The following GPC6 variants were observed in gnomAD, a reference collection of about 807,000 sequenced individuals.
GPC6 encodes glypican 6.
Under a neutral mutation model 55.2 loss-of-function variants are expected in GPC6, and 14 were observed. The ratio of observed to expected loss-of-function variants is 0.25; its 90% CI spans 0.17 to 0.40. The LOEUF (loss-of-function observed/expected upper bound fraction) is 0.40, where lower values mean the gene tolerates loss of function less well. Ranked by LOEUF, GPC6 falls within the 10% of genes least tolerant of loss-of-function variation. The pLI is 1.00. For synonymous variants in GPC6, 278 were observed against 259.6 expected (o/e 1.07, Z -0.68); for missense variants, 641 against 708.5 (o/e 0.90, Z 1.08).
intron 2 of GPC6, among the ~76,000 whole-genome samples, chr13:93,777,806 T>A (rs932545435): frequency 1.3e-5 from 2 of 152,220 alleles, no homozygotes; most frequent in Non-Finnish European, 2.9e-5. Context: ...TGTCTACATC[T>A]GTATCTGTGT....
chr13:93,234,282 G>A (rs779213604), intron 1 of GPC6, among the ~76,000 whole-genome samples: 8 of 152,062 alleles, frequency 5.3e-5, no homozygotes, highest in Non-Finnish European at 1.0e-4. Context: ...TTTCCTTCAC[G>A]TGCAACCAAA....
chr13:94,001,350 G>T, intron 3 of GPC6, among the ~76,000 whole-genome samples: 1 of 151,988 alleles, frequency 6.6e-6, no homozygotes, highest in Non-Finnish European at 1.5e-5. Flanking sequence ...GTTAAAACAA[G>T]AAAATTACAT....
At chr13:94,066,175 A>G (rs1884508587) in intron 4 of GPC6, among the ~76,000 whole-genome samples, 1 of 152,206 alleles carries the variant, frequency 6.6e-6, no homozygotes, top group African/African-American at 2.4e-5. Flanking sequence ...AAATCAAGAT[A>G]TATTTTATAC....
At chr13:93,400,444 C>T (rs541100938) in intron 1 of GPC6, among the ~76,000 whole-genome samples, 27 of 147,400 alleles carry the variant, frequency 1.8e-4, no homozygotes, top group African/African-American at 6.3e-4. Flanking sequence ...GATTACCAGA[C>T]GTTAGGAAGG....
chr13:93,351,594 T>C (rs909643877), intron 1 of GPC6, among the ~76,000 whole-genome samples: 2 of 152,156 alleles, frequency 1.3e-5, no homozygotes, highest in African/African-American at 4.8e-5. Context: ...ATATTGAATG[T>C]TCCCAACACA....
At chr13:94,247,444 T>G (rs1012299203) in intron 4 of GPC6, among the ~76,000 whole-genome samples, 4 of 152,130 alleles carry the variant, frequency 2.6e-5, no homozygotes, top group Non-Finnish European at 5.9e-5. Context: ...GAGGAAAGGC[T>G]TTCAGTTTCT....
chr13:94,339,751 CTTTTTTTTTTTTTTTTTTT>C (rs56074677), intron 6 of GPC6, among the ~76,000 whole-genome samples: 2 of 63,794 alleles, frequency 3.1e-5, no homozygotes, highest in African/African-American at 1.4e-4. Context: ...GCATACTTTC[CTTTTTTTTTTTTTTTTTTT>C]TTTTTTTTTT....
chr13:93,522,394 G>GT (rs1431055820), intron 1 of GPC6, among the ~76,000 whole-genome samples: 2 of 151,828 alleles, frequency 1.3e-5, no homozygotes, highest in Non-Finnish European at 2.9e-5. Flanking sequence ...CATTTTTGTG[G>GT]TTTTTTGAAT....
intron 1 of GPC6, among the ~76,000 whole-genome samples, chr13:93,297,953 C>A (rs994698756): frequency 6.6e-6 from 1 of 152,146 alleles, no homozygotes; most frequent in African/African-American, 2.4e-5. Context: ...ACAGCTGTCA[C>A]CACAATTGGC....
At chr13:93,291,160 G>T (rs1878308356) in intron 1 of GPC6, among the ~76,000 whole-genome samples, 1 of 152,126 alleles carries the variant, frequency 6.6e-6, no homozygotes, top group African/African-American at 2.4e-5. Context: ...TAGACCAAGG[G>T]ATTATAAACT....
intron 4 of GPC6, among the ~76,000 whole-genome samples, chr13:94,285,377 A>C (rs1892500742): frequency 6.6e-6 from 1 of 152,194 alleles, no homozygotes; most frequent in East Asian, 1.9e-4. Context: ...CAAGCCTAGT[A>C]CCATGGTCAG....
chr13:93,527,968 C>G (rs115801511), intron 1 of GPC6, among the ~76,000 whole-genome samples: 99 of 152,178 alleles, frequency 6.5e-4, no homozygotes, highest in African/African-American at 2.3e-3. Context: ...GTGATATGAT[C>G]AGTGTTGTAG....
intron 2 of GPC6, among the ~76,000 whole-genome samples, chr13:93,561,001 AC>A (rs1295952887): frequency 6.6e-6 from 1 of 152,310 alleles, no homozygotes; most frequent in African/African-American, 2.4e-5. Context: ...GTTGTGAAAT[AC>A]CTTAACCTCA....
intron 2 of GPC6, among the ~76,000 whole-genome samples, chr13:93,588,598 A>T (rs1877316540): frequency 6.6e-6 from 1 of 152,180 alleles, no homozygotes; most frequent in Non-Finnish European, 1.5e-5. Context: ...GCTTTACAGG[A>T]AGCATGGTGC....
chr13:94,371,742 A>G (rs576455785), intron 6 of GPC6, among the ~76,000 whole-genome samples: 1 of 152,214 alleles, frequency 6.6e-6, no homozygotes, highest in Non-Finnish European at 1.5e-5. Context: ...TGGTGGGGAA[A>G]AAAATAGTAA....
chr13:94,135,026 G>A (rs1182520365), intron 4 of GPC6, among the ~76,000 whole-genome samples: 2 of 152,108 alleles, frequency 1.3e-5, no homozygotes, highest in African/African-American at 2.4e-5. Flanking sequence ...CAGAATAGCC[G>A]TTGCCTCTCA....
At chr13:93,878,132 G>T (rs1388700058) in intron 3 of GPC6, among the ~76,000 whole-genome samples, 1 of 152,018 alleles carries the variant, frequency 6.6e-6, no homozygotes, top group Non-Finnish European at 1.5e-5. Context: ...AGTTTACAGG[G>T]AGAGCGATGG....
intron 2 of GPC6, among the ~76,000 whole-genome samples, chr13:93,711,866 C>T (rs1266441534): frequency 6.6e-6 from 1 of 151,728 alleles, no homozygotes; most frequent in Non-Finnish European, 1.5e-5. Flanking sequence ...AAATGCCCCC[C>T]TCTCTGTTTC....
intron 7 of GPC6, among the ~76,000 whole-genome samples, chr13:94,391,678 G>A (rs7991851): frequency 6.6e-6 from 1 of 152,114 alleles, no homozygotes; most frequent in Non-Finnish European, 1.5e-5. Context: ...ACCATTGTAC[G>A]ATGAATAGTT....
Sources: gnomAD v4.1 joint callset for allele counts (sites outside exome capture counted in the v4.1 genomes callset) on GRCh38, gnomAD v4.1.1 for gene constraint, MANE v1.5 for transcripts, NCBI Gene and HGNC (gene_info 2026-07-23, HGNC 2026-07-21) for gene names.